MATN2: variants seen among roughly 807,000 people sequenced by gnomAD.
The protein encoded by MATN2 is matrilin 2, also known as matrilin-2.
A neutral mutation model predicts 103.2 loss-of-function variants in MATN2; 69 were observed. The ratio of observed to expected loss-of-function variants is 0.67; its 90% CI spans 0.55 to 0.82. The LOEUF (loss-of-function observed/expected upper bound fraction) is 0.82. MATN2 is among the 40% of genes least tolerant of loss of function. The probability of loss-of-function intolerance (pLI) is 0.00; values close to 1 mark genes in which losing one functional copy is unlikely to be tolerated. For missense variants in MATN2, 1,023 were observed against 1,211.5 expected (o/e 0.84, Z 2.31); for synonymous variants, 429 against 450.2 (o/e 0.95, Z 0.60).
intron 4 of MATN2, among the ~76,000 whole-genome samples, chr8:97,946,374 A>G (rs1810753615): frequency 6.6e-6 from 1 of 152,206 alleles, no homozygotes; most frequent in African/African-American, 2.4e-5. Context: ...GGACCTCAAC[A>G]TTGTGGATTC....
intron 5 of MATN2, among the ~76,000 whole-genome samples, chr8:97,969,301 A>G (rs2512040): frequency 0.33 from 49,617 of 152,178 alleles, 9,486 homozygotes; most frequent in Middle Eastern, 0.45. Context: ...GGAGGGCACA[A>G]ACATCCAGAC....
chr8:98,007,528 C>T lies in MATN2; in HGVS notation c.1500C>T (p.Val500=). 6.2e-7 allele frequency: 1 copy of T among 1,613,648 alleles called. No individual in the cohort carries two copies. The highest frequency in any genetic ancestry group is 8.5e-7 in the Non-Finnish European group (1 of 1,179,586). ...ACCATGGTTGTGAATACTCCTGTGT[C>T]AACATGGACAGATCCTTTGCCTGTC... The part of the protein sequence containing the change: ...LSDHGCEYSC[V]NMDRSFACQC... The change falls in exon 10 of 19, where the codon GTC becomes GTT. Residue 500 remains valine (V), a synonymous_variant. Coordinates refer to ENST00000254898, the MANE Select transcript of MATN2 (RefSeq NM_002380.5). The surrounding 1 kb of genome is among the most constrained non-coding windows in gnomAD (Gnocchi z 4.2).
intron 10 of MATN2, among the ~76,000 whole-genome samples, chr8:98,012,001 T>C (rs1038657205): frequency 6.6e-6 from 1 of 152,234 alleles, no homozygotes; most frequent in African/African-American, 2.4e-5. Flanking sequence ...GGTCCTTATG[T>C]GTAAAAGGAG....
Position 97,931,287 on chromosome 8 carries a change from G to C in MATN2, c.477G>C (p.Glu159Asp). The part of the protein sequence containing the change: ...SEAEGARPLR[E>D]NVPRVIMIVT... ...CAGAGGGGGCCCGGCCCCTGAGGGA[G>C]AATGTGCCACGGGTCATAATGATCG... Residue 159 changes from glutamate (E) to aspartate (D), a missense_variant, in exon 3 of 19, where the codon GAG (glutamate) becomes GAC (aspartate). Physicochemically the swap from Glu to Asp is conservative, Grantham distance 45 (BLOSUM62 2). Coordinates refer to ENST00000254898, the MANE Select transcript of MATN2 (RefSeq NM_002380.5). The surrounding 1 kb of genome is among the most constrained non-coding windows in gnomAD (Gnocchi z 4.1). The C allele has an allele frequency of 6.2e-7, 1 of 1,613,998 alleles. No individual in the cohort carries two copies. Among genetic ancestry groups the C allele is most frequent in the Non-Finnish European group, 8.5e-7 (1 of 1,179,890 alleles).
intron 5 of MATN2, among the ~76,000 whole-genome samples, chr8:97,963,121 C>T (rs1811366455): frequency 6.6e-6 from 1 of 152,066 alleles, no homozygotes; most frequent in Non-Finnish European, 1.5e-5. Context: ...GGTGACAGAG[C>T]GAGACTCATC....
intron 6 of MATN2, among the ~76,000 whole-genome samples, chr8:97,985,479 T>C (rs1410126237): frequency 1.3e-5 from 2 of 152,220 alleles, no homozygotes; most frequent in Admixed American, 1.3e-4. Flanking sequence ...TTTTTAGCAA[T>C]GTTCCCTGAT....
At chr8:98,009,208 A>G (rs1813075810) in intron 10 of MATN2, among the ~76,000 whole-genome samples, 1 of 152,210 alleles carries the variant, frequency 6.6e-6, no homozygotes, top group Non-Finnish European at 1.5e-5. Context: ...CAGCTGATAC[A>G]TATGCATTGA....
chr8:97,881,412 A>T (rs1399639896), intron 1 of MATN2, among the ~76,000 whole-genome samples: 1 of 152,088 alleles, frequency 6.6e-6, no homozygotes, highest in African/African-American at 2.4e-5. Flanking sequence ...TACTTGCAAC[A>T]GTGATGCTTA....
chr8:98,012,844 A>G (rs1352322075), intron 10 of MATN2, among the ~76,000 whole-genome samples: 1 of 152,166 alleles, frequency 6.6e-6, no homozygotes, highest in African/African-American at 2.4e-5. Flanking sequence ...GTTCAGGGAC[A>G]TTGGGAAAGT....
intron 6 of MATN2, among the ~76,000 whole-genome samples, chr8:97,989,876 G>A (rs1554612012): frequency 7.7e-6 from 1 of 129,268 alleles, no homozygotes; most frequent in African/African-American, 3.6e-5. Context: ...ATCAAAATAT[G>A]AAATTTAAAA....
Position 97,982,112 on chromosome 8 carries a change from C to A in MATN2, c.1081+3104C>A, listed in dbSNP as rs915827078. Among the ~76,000 whole-genome samples the A allele has an allele frequency of 6.6e-6, 1 of 152,148 alleles. No homozygotes were observed. Among genetic ancestry groups the A allele is most frequent in the Non-Finnish European group, 1.5e-5 (1 of 68,040 alleles). ...AGGGCAGTACATCCCTTAGAAGAGC[C>A]CTCTTCCCACCATGCTTGGGGTGGG... On this transcript the variant is annotated intron_variant, in intron 6 of 18. Coordinates refer to ENST00000254898, the MANE Select transcript of MATN2 (RefSeq NM_002380.5). The surrounding 1 kb of genome is among the most constrained non-coding windows in gnomAD (Gnocchi z 4.3).
chr8:98,011,328 C>T (rs1358760110), intron 10 of MATN2, among the ~76,000 whole-genome samples: 3 of 150,674 alleles, frequency 2.0e-5, no homozygotes, highest in Admixed American at 2.0e-4. Flanking sequence ...CAGTCTGTAG[C>T]AGGGAGTAGG....
chr8:97,957,789 T>A (rs1811188390), intron 4 of MATN2, among the ~76,000 whole-genome samples: 1 of 152,184 alleles, frequency 6.6e-6, no homozygotes, highest in South Asian at 2.1e-4. Context: ...TTAGGTTCAA[T>A]GACATTCAGC....
intron 2 of MATN2, among the ~76,000 whole-genome samples, chr8:97,895,500 C>A (rs571786491): frequency 6.6e-6 from 1 of 152,346 alleles, no homozygotes; most frequent in African/African-American, 2.4e-5. Context: ...CCTCTCCAGG[C>A]AAGACCTCCA....
chr8:97,931,340 T>C lies in MATN2; in HGVS notation c.530T>C (p.Val177Ala). ...ACAGATGGGAGACCTCAGGACTCCGTGGCCGAGGTGGCTGCTAAGGCACGG... is the reference window on the plus strand; with the variant it reads ...ACAGATGGGAGACCTCAGGACTCCGCGGCCGAGGTGGCTGCTAAGGCACGG... Reference protein sequence around the residue: ...IVTDGRPQDSVAEVAAKARDT... With the variant: ...IVTDGRPQDSAAEVAAKARDT... Residue 177 changes from valine (V) to alanine (A), a missense_variant, in exon 3 of 19, where the codon GTG becomes GCG. Val to Ala is a moderately conservative substitution (Grantham distance 64). Transcript: ENST00000254898. The surrounding 1 kb of genome is among the most constrained non-coding windows in gnomAD (Gnocchi z 4.1). 6.2e-7 allele frequency: 1 copy of C among 1,613,908 alleles called. No homozygotes were observed. The highest frequency in any genetic ancestry group is 8.5e-7 in the Non-Finnish European group (1 of 1,179,886).
rs552141646 is a variant in MATN2, at chr8:97,883,554, A to ATTT, written c.-26-4506_-26-4504dup. On this transcript the variant is annotated intron_variant, in intron 1 of 18. Transcript: ENST00000254898. ...AGGTGTGTGCCAACCTTCCCAGCTA[A>ATTT]TTTTTTTTTTTTTTTTTGAGACAGA... Among the ~76,000 whole-genome samples the ATTT allele has an allele frequency of 1.2e-4, 16 of 133,166 alleles. 1 individual carries two copies. The highest frequency in any genetic ancestry group is 1.1e-4 in the Non-Finnish European group (7 of 63,246). The allele number at this position is 133,166 out of a possible 152,430, so 87.4% of individuals were successfully genotyped here.
At chr8:97,958,460 A>G (rs1307145748) in intron 4 of MATN2, among the ~76,000 whole-genome samples, 1 of 152,250 alleles carries the variant, frequency 6.6e-6, no homozygotes. Flanking sequence ...CCATCGCTCT[A>G]TAAACACATA....
chr8:98,035,739 G>A lies in MATN2; in HGVS notation c.*27G>A, dbSNP rs1814222325. 3 of 1,539,068 alleles carry A rather than the reference G, an allele frequency of 1.9e-6. No homozygotes were observed. Among genetic ancestry groups the A allele is most frequent in the Non-Finnish European group, 2.7e-6 (3 of 1,120,678 alleles). ...GATTAGAAATCGCGACACATTTGTA[G>A]TCATTGTATCACGGATTACAATGAA... On this transcript the variant is annotated 3_prime_UTR_variant, in exon 19 of 19. Transcript: ENST00000254898.
chr8:97,950,188 T>A (rs1810897695), intron 4 of MATN2, among the ~76,000 whole-genome samples: 1 of 152,226 alleles, frequency 6.6e-6, no homozygotes, highest in Non-Finnish European at 1.5e-5. Flanking sequence ...TGACATTCAT[T>A]AATCAGAACA....
Sources: allele counts gnomAD v4.1 joint callset (sites outside exome capture counted in the v4.1 genomes callset), GRCh38; gene constraint gnomAD v4.1.1; non-coding constraint Gnocchi (gnomAD v3.1); transcripts MANE v1.5; gene names NCBI Gene and HGNC (gene_info 2026-07-23, HGNC 2026-07-21).